Variants in TACC2 observed in about 807,000 individuals in gnomAD.
TACC2 encodes transforming acidic coiled-coil-containing protein 2.
A neutral mutation model predicts 227.3 loss-of-function variants in TACC2; 137 were observed. The ratio of observed to expected loss-of-function variants is 0.60; its 90% CI spans 0.52 to 0.69. TACC2 has a LOEUF of 0.69. Ranked by LOEUF, TACC2 falls within the 30% of genes least tolerant of loss-of-function variation. The pLI is 0.00. For synonymous variants in TACC2, 1,523 were observed against 1,487.5 expected, an observed-to-expected ratio of 1.02 and a Z score of -0.55; for missense variants, 3,470 against 3,694.4, an observed-to-expected ratio of 0.94 and a Z score of 1.57.
chr10:122,030,620 C>G (rs1407768728), intron 2 of TACC2, among the ~76,000 whole-genome samples: 1 of 151,992 alleles, frequency 6.6e-6, no homozygotes, highest in African/African-American at 2.4e-5. Context: ...AGTCTTCATT[C>G]TCCTTGAGTG....
At chr10:122,128,948 G>A (rs371427550) in intron 5 of TACC2, among the ~76,000 whole-genome samples, 3 of 151,718 alleles carry the variant, frequency 2.0e-5, no homozygotes, top group Non-Finnish European at 4.4e-5. Context: ...ACATACCCAT[G>A]TATATCATTG....
At chr10:122,144,633 C>T (rs550477509) in intron 7 of TACC2, among the ~76,000 whole-genome samples, 18 of 152,222 alleles carry the variant, frequency 1.2e-4, no homozygotes, top group East Asian at 7.7e-4. Flanking sequence ...ACCAGAGTGT[C>T]GGGAAGTAGT....
chr10:122,038,579 A>G (rs558557489), intron 2 of TACC2, among the ~76,000 whole-genome samples: 3 of 152,286 alleles, frequency 2.0e-5, no homozygotes, highest in Non-Finnish European at 2.9e-5. Flanking sequence ...CAGGTGGGAA[A>G]GACTTCCGTC....
intron 7 of TACC2, among the ~76,000 whole-genome samples, chr10:122,175,293 G>C (rs555043100): frequency 3.9e-5 from 6 of 152,168 alleles, no homozygotes; most frequent in Admixed American, 6.5e-5. Flanking sequence ...TCTTGGTGAA[G>C]AAAAACACTG....
intron 6 of TACC2, among the ~76,000 whole-genome samples, chr10:122,134,412 C>G (rs1211314616): frequency 6.6e-6 from 1 of 152,162 alleles, no homozygotes; most frequent in Non-Finnish European, 1.5e-5. Flanking sequence ...TCCTGACCCC[C>G]AGGTAATCTG....
chr10:122,093,060 A>G (rs1388042171), intron 5 of TACC2, among the ~76,000 whole-genome samples: 1 of 151,038 alleles, frequency 6.6e-6, no homozygotes, highest in Non-Finnish European at 1.5e-5. Context: ...GTTGCTGAAT[A>G]TGTGTTTAAA....
intron 7 of TACC2, among the ~76,000 whole-genome samples, chr10:122,175,790 G>T (rs1027458664): frequency 2.0e-5 from 3 of 152,184 alleles, no homozygotes; most frequent in African/African-American, 7.2e-5. Context: ...AATGGGCCGG[G>T]TACAATAGCT....
intron 7 of TACC2, among the ~76,000 whole-genome samples, chr10:122,151,174 C>G (rs1479827940): frequency 6.6e-6 from 1 of 152,152 alleles, no homozygotes; most frequent in Admixed American, 6.6e-5. Flanking sequence ...GACAGCTGTT[C>G]TGGAAACAGA....
chr10:122,212,835 C>T (rs1565646778), intron 9 of TACC2, among the ~76,000 whole-genome samples: 1 of 152,192 alleles, frequency 6.6e-6, no homozygotes, highest in Non-Finnish European at 1.5e-5. Flanking sequence ...AGATCAGTTA[C>T]TCAACTAGGT....
At chr10:122,135,482 G>T (rs957413312) in intron 6 of TACC2, among the ~76,000 whole-genome samples, 2 of 152,178 alleles carry the variant, frequency 1.3e-5, no homozygotes, top group South Asian at 2.1e-4. Context: ...AAACCTGGGG[G>T]AGTATTTGAC....
chr10:122,239,755 A>T (rs1564806193), intron 18 of TACC2, among the ~76,000 whole-genome samples: 1 of 151,998 alleles, frequency 6.6e-6, no homozygotes, highest in East Asian at 1.9e-4. Flanking sequence ...TTACTAGCTG[A>T]TGTGGTAGGA....
intron 7 of TACC2, among the ~76,000 whole-genome samples, chr10:122,181,393 G>A (rs2093966862): frequency 6.6e-6 from 1 of 152,178 alleles, no homozygotes; most frequent in South Asian, 2.1e-4. Flanking sequence ...GGTGAAAGAT[G>A]CAATAATTTT....
At chr10:122,152,124 A>G (rs550867116) in intron 7 of TACC2, among the ~76,000 whole-genome samples, 43 of 152,298 alleles carry the variant, frequency 2.8e-4, no homozygotes, top group African/African-American at 1.0e-3. Context: ...GCTAAGAGGC[A>G]AAGGATGGTG....
At chr10:122,138,769 G>A (rs1281627499) in intron 6 of TACC2, among the ~76,000 whole-genome samples, 2 of 152,202 alleles carry the variant, frequency 1.3e-5, no homozygotes, top group African/African-American at 4.8e-5. Context: ...CACATGAACT[G>A]CCACATTGGC....
chr10:122,102,068 G>A (rs1262322120), intron 5 of TACC2, among the ~76,000 whole-genome samples: 1 of 152,004 alleles, frequency 6.6e-6, no homozygotes, highest in Non-Finnish European at 1.5e-5. Flanking sequence ...AGACGGTATT[G>A]CCTACTACAA....
intron 12 of TACC2, 72 bp from the exon 13 acceptor site, chr10:122,226,294 C>T (rs750688712): frequency 6.4e-4 from 631 of 980,138 alleles, no homozygotes; most frequent in Non-Finnish European, 9.1e-4. Flanking sequence ...TTGAAGAGTG[C>T]TCCAGTTTTC....
chr10:122,129,052 CTT>C (rs1418047452), intron 5 of TACC2, among the ~76,000 whole-genome samples: 1 of 91,568 alleles, frequency 1.1e-5, no homozygotes. Flanking sequence ...GAAGATCTAT[CTT>C]ATTTTAATTA....
In TACC2 at chr10:122,230,332, C is replaced by T. The variant is rs1368578775; in HGVS notation, c.8038-19C>T. The T allele has an allele frequency of 6.2e-7, 1 of 1,609,222 alleles. No homozygotes were observed. Among genetic ancestry groups the T allele is most frequent in the Admixed American group, 1.7e-5 (1 of 60,024 alleles). ...CTTGATGCATTTCCCTGCGGTTTGC[C>T]CACACTCCCTGTGGGCAGGAGGAGT... On this transcript the variant is annotated intron_variant, in intron 15 of 22. Transcript: ENST00000369005.
chr10:122,179,967 C>T (rs1240640117), intron 7 of TACC2, among the ~76,000 whole-genome samples: 2 of 151,878 alleles, frequency 1.3e-5, no homozygotes, highest in Non-Finnish European at 2.9e-5. Flanking sequence ...ATCCATGGTC[C>T]CAGTTACTCA....
Sources: gnomAD v4.1 joint callset for allele counts (sites outside exome capture counted in the v4.1 genomes callset) on GRCh38, gnomAD v4.1.1 for gene constraint, MANE v1.5 for transcripts, NCBI Gene and HGNC (gene_info 2026-07-23, HGNC 2026-07-21) for gene names.